Variants in SUN3 observed in about 807,000 individuals in gnomAD.
SUN3 encodes the protein SUN domain-containing protein 3.
In SUN3, 36 loss-of-function variants were observed where a neutral mutation model predicts 48.2. The ratio of observed to expected loss-of-function variants is 0.75; its 90% CI spans 0.57 to 0.99. The LOEUF is 0.99. Among genes scored for constraint, SUN3 ranks in the 50% least tolerant of loss-of-function variants. The pLI, the probability that SUN3 is intolerant of heterozygous loss-of-function variation, is 0.00. For synonymous variants in SUN3, 148 were observed against 147.9 expected, an observed-to-expected ratio of 1.00 and a Z score of 0.00; for missense variants, 419 against 433.1, an observed-to-expected ratio of 0.97 and a Z score of 0.29.
chr7:48,030,608 C>T (rs1258103904), upstream of SUN3, among the ~76,000 whole-genome samples: 1 of 152,206 alleles, frequency 6.6e-6, no homozygotes, highest in East Asian at 1.9e-4. Context: ...AGATAATCTT[C>T]CTCATTTATT....
chr7:48,003,174 A>G (rs1031121700), intron 6 of SUN3, among the ~76,000 whole-genome samples: 15 of 152,162 alleles, frequency 9.9e-5, no homozygotes, highest in African/African-American at 3.6e-4. Flanking sequence ...TTGAATAGGA[A>G]TACTTTCTGC....
chr7:47,987,825 C>T (rs186950852), intron 9 of SUN3, among the ~76,000 whole-genome samples: 76 of 152,304 alleles, frequency 5.0e-4, no homozygotes, highest in African/African-American at 1.6e-3. Context: ...TAAGCCACCA[C>T]GCCTGGCCTA....
At chr7:48,035,367 G>C in the SUN3 span, 1 of 607,662 alleles carries the variant, frequency 1.6e-6, no homozygotes, top group Non-Finnish European at 2.9e-6. This position sits in a 1 kb window ranked among gnomAD's most constrained non-coding sequence, Gnocchi z 4.0. Flanking sequence ...TCCGGCTCTG[G>C]GCTACGGGCA....
intron 3 of SUN3, among the ~76,000 whole-genome samples, chr7:48,010,139 T>A (rs1445387723): frequency 2.0e-5 from 3 of 152,124 alleles, no homozygotes; most frequent in Non-Finnish European, 4.4e-5. Flanking sequence ...TATACACACG[T>A]ATGCACATGC....
chr7:47,988,444 A>G (rs1255628156), intron 9 of SUN3, among the ~76,000 whole-genome samples: 1 of 152,170 alleles, frequency 6.6e-6, no homozygotes, highest in African/African-American at 2.4e-5. Context: ...TTGTACCATC[A>G]TCTTCCTCCC....
At chr7:47,987,913 G>A (rs1159064054) in intron 9 of SUN3, among the ~76,000 whole-genome samples, 1 of 152,168 alleles carries the variant, frequency 6.6e-6, no homozygotes, top group Non-Finnish European at 1.5e-5. Context: ...GGAATAAAGA[G>A]CTTATGAAAA....
At chr7:48,019,108 A>T (rs1184560893) in intron 2 of SUN3, among the ~76,000 whole-genome samples, 1 of 152,232 alleles carries the variant, frequency 6.6e-6, no homozygotes, top group Non-Finnish European at 1.5e-5. Context: ...ACTTAAAGAT[A>T]GAGCTATGAA....
intron 3 of SUN3, among the ~76,000 whole-genome samples, chr7:48,014,262 T>A (rs117969287): frequency 6.6e-6 from 1 of 152,274 alleles, no homozygotes; most frequent in East Asian, 1.9e-4. Context: ...AAGGGTTGAA[T>A]TTGCTGTTGA....
chr7:48,035,031 T>G, the SUN3 span, among the ~76,000 whole-genome samples: 1 of 152,234 alleles, frequency 6.6e-6, no homozygotes, highest in African/African-American at 2.4e-5. The surrounding 1 kb of genome is among the most constrained non-coding windows in gnomAD (Gnocchi z 4.0). Flanking sequence ...ACTAAGTGAA[T>G]CATTACTCCT....
At chr7:47,997,990 T>A (rs919110580) in intron 6 of SUN3, among the ~76,000 whole-genome samples, 2 of 152,226 alleles carry the variant, frequency 1.3e-5, no homozygotes, top group Non-Finnish European at 2.9e-5. Flanking sequence ...TTGATGGACA[T>A]GGGGTTATTC....
At chr7:48,018,342 C>G (rs1309182384) in intron 2 of SUN3, among the ~76,000 whole-genome samples, 1 of 152,096 alleles carries the variant, frequency 6.6e-6, no homozygotes, top group Non-Finnish European at 1.5e-5. Context: ...AGTGGAATAG[C>G]AAACATATAC....
intron 6 of SUN3, among the ~76,000 whole-genome samples, chr7:47,999,203 C>T (rs980083658): frequency 2.0e-5 from 3 of 151,944 alleles, no homozygotes; most frequent in Non-Finnish European, 2.9e-5. Flanking sequence ...GCTCTCAGTT[C>T]CCACATTTTG....
At chr7:48,020,495 G>A (rs1198177870) in intron 2 of SUN3, among the ~76,000 whole-genome samples, 2 of 152,120 alleles carry the variant, frequency 1.3e-5, no homozygotes, top group Non-Finnish European at 2.9e-5. Context: ...GAAATAAAAG[G>A]CATCCAAACT....
chr7:47,992,027 A>C (rs10951937), intron 8 of SUN3, among the ~76,000 whole-genome samples: 65,001 of 151,744 alleles, frequency 0.43, 14,116 homozygotes, highest in Middle Eastern at 0.53. Flanking sequence ...CCAGCAGCTC[A>C]TGGTGTGGTG....
At chr7:48,035,570 C>G in the SUN3 span, 1 of 697,830 alleles carries the variant, frequency 1.4e-6, no homozygotes, top group Non-Finnish European at 2.6e-6. The surrounding 1 kb of genome is among the most constrained non-coding windows in gnomAD (Gnocchi z 4.0). Flanking sequence ...GCCAGCCAGC[C>G]GTGTAAAAAC....
intron 2 of SUN3, 69 bp downstream of exon 2, chr7:48,025,808 G>T: frequency 9.4e-7 from 1 of 1,068,360 alleles, no homozygotes; most frequent in Non-Finnish European, 1.4e-6. Flanking sequence ...TCATTCCGTT[G>T]AGATCTCTCT....
At chr7:48,026,148 T>C (rs763373026) in intron 1 of SUN3, among the ~76,000 whole-genome samples, 1 of 152,104 alleles carries the variant, frequency 6.6e-6, no homozygotes, top group Non-Finnish European at 1.5e-5. Context: ...CACCAGCATA[T>C]ATGAGTGCGC....
chr7:48,035,799 T>G, the SUN3 span, among the ~76,000 whole-genome samples: 3 of 152,178 alleles, frequency 2.0e-5, no homozygotes, highest in Admixed American at 6.5e-5. This position sits in a 1 kb window ranked among gnomAD's most constrained non-coding sequence, Gnocchi z 4.0. Context: ...CCTGCCCAAG[T>G]CCCGCGGCCC....
chr7:48,011,065 C>G (rs1161027840), intron 3 of SUN3, among the ~76,000 whole-genome samples: 1 of 152,124 alleles, frequency 6.6e-6, no homozygotes, highest in African/African-American at 2.4e-5. Flanking sequence ...TATTTAGGAC[C>G]CATCTGAGTA....
Sources: gnomAD v4.1 joint callset for allele counts (sites outside exome capture counted in the v4.1 genomes callset) on GRCh38, gnomAD v4.1.1 for gene constraint, Gnocchi (gnomAD v3.1) non-coding constraint, MANE v1.5 for transcripts, NCBI Gene and HGNC (gene_info 2026-07-23, HGNC 2026-07-21) for gene names.